Variants in TMEM108 observed in about 807,000 individuals in gnomAD.
TMEM108 encodes the protein transmembrane protein 108, also known as cancer/testis antigen 124.
TMEM108 carries 12 observed loss-of-function variants against 35.1 expected under a neutral mutation model. The ratio of observed to expected loss-of-function variants is 0.34; its 90% CI spans 0.22 to 0.55. The LOEUF is 0.55. Among genes scored for constraint, TMEM108 ranks in the 20% least tolerant of loss-of-function variants. The probability of loss-of-function intolerance (pLI) is 0.89; values close to 1 mark genes in which losing one functional copy is unlikely to be tolerated. For missense variants in TMEM108, 680 were observed against 753.3 expected (o/e 0.90, Z 1.14); for synonymous variants, 287 against 308.6 (o/e 0.93, Z 0.73).
At chr3:133,175,900 C>A (rs796404807) in intron 2 of TMEM108, among the ~76,000 whole-genome samples, 6 of 144,130 alleles carry the variant, frequency 4.2e-5, no homozygotes, top group African/African-American at 1.6e-4. Context: ...AGTCAAGACC[C>A]ATCAGTGTGC....
At chr3:133,152,420 A>G (rs1445137409) in intron 2 of TMEM108, among the ~76,000 whole-genome samples, 1 of 152,180 alleles carries the variant, frequency 6.6e-6, no homozygotes, top group Non-Finnish European at 1.5e-5. Context: ...GCAGAAGAGA[A>G]GCTAGATGGC....
chr3:133,103,534 A>G (rs1944114249), intron 2 of TMEM108, among the ~76,000 whole-genome samples: 1 of 152,088 alleles, frequency 6.6e-6, no homozygotes, highest in South Asian at 2.1e-4. Flanking sequence ...ACCCCCCATG[A>G]TACAAGTTTA....
In TMEM108 at chr3:133,229,291, T is replaced by C; in HGVS notation, c.-21T>C. 2 of 1,610,080 alleles carry C rather than the reference T, an allele frequency of 1.2e-6. No homozygotes were observed. Among genetic ancestry groups the C allele is most frequent in the Non-Finnish European group, 8.5e-7 (1 of 1,178,190 alleles). ...ACAGAATCATGAATAAACTGGAGGA[T>C]AAGCAGGACCAGATGATACCATGAA... On this transcript the variant is annotated 5_prime_UTR_variant, in exon 3 of 6. Transcript: ENST00000321871.
At position 133,365,410 on chromosome 3, in the gene TMEM108, A is replaced by C. The variant is rs950912680; in HGVS notation, c.41-14342A>C. 3.3e-5 allele frequency among the ~76,000 whole-genome samples: 5 copies of C among 152,184 alleles called. No individual in the cohort carries two copies. In the South Asian group the frequency reaches 1.0e-3, roughly 32 times the overall value. ...ATTTATTTTCTCTCCATAACTCCTC[A>C]GGAAAGAGAAAAGGGAGGGCACAGG... On this transcript the variant is annotated intron_variant, in intron 3 of 5. Coordinates refer to ENST00000321871, the MANE Select transcript of TMEM108 (RefSeq NM_023943.4).
intron 2 of TMEM108, among the ~76,000 whole-genome samples, chr3:133,155,970 T>C (rs899733016): frequency 6.6e-6 from 1 of 152,124 alleles, no homozygotes; most frequent in African/African-American, 2.4e-5. Context: ...TTTATAGCTT[T>C]AGGTTTCACA....
At chr3:133,184,874 C>T (rs60933641) in intron 2 of TMEM108, among the ~76,000 whole-genome samples, 2,609 of 152,274 alleles carry the variant, frequency 0.017, 98 homozygotes, top group African/African-American at 0.059. Flanking sequence ...TCTGTAACAG[C>T]AGATGAAGGC....
intron 3 of TMEM108, among the ~76,000 whole-genome samples, chr3:133,316,450 G>A (rs997889785): frequency 6.6e-6 from 1 of 152,190 alleles, no homozygotes; most frequent in Non-Finnish European, 1.5e-5. Context: ...TCATCACTTA[G>A]AGAGCTGTGT....
Position 133,380,665 on chromosome 3 carries a change from G to A in TMEM108, c.954G>A (p.Gln318=). The A allele has an allele frequency of 6.2e-7, 1 of 1,614,038 alleles. No homozygotes were observed. The highest frequency in any genetic ancestry group is 8.5e-7 in the Non-Finnish European group (1 of 1,179,998). The part of the protein sequence containing the change: ...VSPQAAPVPS[Q]RPHHGDPQDG... ...CACAAGCTGCCCCAGTGCCTTCTCA[G>A]CGCCCCCACCACGGTGACCCACAGG... The change falls in exon 4 of 6, where the codon CAG becomes CAA. Residue 318 remains glutamine (Q), a synonymous_variant. Coordinates refer to ENST00000321871, the MANE Select transcript of TMEM108 (RefSeq NM_023943.4). This position sits in a 1 kb window ranked among gnomAD's most constrained non-coding sequence, Gnocchi z 5.3.
chr3:133,049,671 T>C (rs1209506506), intron 2 of TMEM108, among the ~76,000 whole-genome samples: 1 of 152,188 alleles, frequency 6.6e-6, no homozygotes, highest in African/African-American at 2.4e-5. Context: ...CCGCAGCCTC[T>C]GAAACATTTG....
intron 2 of TMEM108, among the ~76,000 whole-genome samples, chr3:133,099,560 C>T (rs1944060064): frequency 6.6e-6 from 1 of 152,150 alleles, no homozygotes; most frequent in Non-Finnish European, 1.5e-5. Context: ...CTCCGTTTCC[C>T]TTTTAAAACA....
Position 133,179,190 on chromosome 3 carries a change from A to G in TMEM108, c.-46-50076A>G, listed in dbSNP as rs1234754349. 2.0e-5 allele frequency among the ~76,000 whole-genome samples: 3 copies of G among 151,276 alleles called. No individual in the cohort carries two copies. In the East Asian group the frequency reaches 5.8e-4, roughly 29 times the overall value. ...GGAGAGGATGTGGAGAAATAGGAAC[A>G]CTTTTACACTGTTGGTGGGACTGTA... On this transcript the variant is annotated intron_variant, in intron 2 of 5. Coordinates refer to ENST00000321871, the MANE Select transcript of TMEM108 (RefSeq NM_023943.4).
intron 3 of TMEM108, among the ~76,000 whole-genome samples, chr3:133,330,414 G>A (rs2071381866): frequency 6.6e-6 from 1 of 152,126 alleles, no homozygotes; most frequent in South Asian, 2.1e-4. Context: ...GGTGGGGTGT[G>A]TATATATGTG....
intron 3 of TMEM108, among the ~76,000 whole-genome samples, chr3:133,263,010 C>T (rs1019687066): frequency 6.6e-6 from 1 of 152,170 alleles, no homozygotes; most frequent in Non-Finnish European, 1.5e-5. Flanking sequence ...TTTGGAAGCT[C>T]TCTGTTGCTG....
Position 133,336,403 on chromosome 3 carries a change from G to A in TMEM108, c.41-43349G>A, listed in dbSNP as rs563736900. ...TTGCCTCTTGGATACCAGCTCATCA[G>A]AGTGGGATAGGGCAACAGTCAGAGT... On this transcript the variant is annotated intron_variant, in intron 3 of 5. Coordinates refer to ENST00000321871, the MANE Select transcript of TMEM108 (RefSeq NM_023943.4). Among the ~76,000 whole-genome samples the A allele has an allele frequency of 1.3e-3, 200 of 152,208 alleles. 1 individual carries two copies. Among genetic ancestry groups the A allele is most frequent in the South Asian group, 3.3e-3 (16 of 4,822 alleles).
chr3:133,175,052 G>A (rs927311650), intron 2 of TMEM108, among the ~76,000 whole-genome samples: 5 of 152,140 alleles, frequency 3.3e-5, no homozygotes, highest in African/African-American at 4.8e-5. Context: ...TAACCGATGC[G>A]ATCAACTGGA....
At chr3:133,210,259 A>G (rs926128422) in intron 2 of TMEM108, among the ~76,000 whole-genome samples, 7 of 152,180 alleles carry the variant, frequency 4.6e-5, no homozygotes, top group Non-Finnish European at 1.0e-4. Flanking sequence ...ATCACTTGGA[A>G]GCTTCCTACA....
intron 2 of TMEM108, among the ~76,000 whole-genome samples, chr3:133,226,727 T>C (rs1946076487): frequency 6.6e-6 from 1 of 152,056 alleles, no homozygotes; most frequent in Admixed American, 6.5e-5. Context: ...TTATAATATC[T>C]AAGAATAGGA....
intron 3 of TMEM108, among the ~76,000 whole-genome samples, chr3:133,299,986 C>A (rs1947196965): frequency 6.6e-6 from 1 of 152,120 alleles, no homozygotes; most frequent in Non-Finnish European, 1.5e-5. Context: ...CTGATTTCTA[C>A]CCCTAAGTGT....
chr3:133,350,484 T>C (rs187029652), intron 3 of TMEM108, among the ~76,000 whole-genome samples: 2 of 152,256 alleles, frequency 1.3e-5, no homozygotes, highest in African/African-American at 2.4e-5. Flanking sequence ...GTAATAGATA[T>C]GCTAAATACC....
Sources: gnomAD v4.1 joint callset for allele counts (sites outside exome capture counted in the v4.1 genomes callset) on GRCh38, gnomAD v4.1.1 for gene constraint, Gnocchi (gnomAD v3.1) non-coding constraint, MANE v1.5 for transcripts, NCBI Gene and HGNC (gene_info 2026-07-23, HGNC 2026-07-21) for gene names.